RYR3: variants seen among roughly 807,000 people sequenced by gnomAD.
RYR3 encodes ryanodine receptor 3.
RYR3 carries 207 observed loss-of-function variants against 584.3 expected under a neutral mutation model. The ratio of observed to expected loss-of-function variants is 0.35; its 90% CI spans 0.32 to 0.40. RYR3 has a LOEUF of 0.40. RYR3 is among the 10% of genes least tolerant of loss of function. The pLI is 1.00. For missense variants in RYR3, 5,616 were observed against 6,089.2 expected, an observed-to-expected ratio of 0.92 and a Z score of 2.59; for synonymous variants, 2,416 against 2,248.5, an observed-to-expected ratio of 1.07 and a Z score of -2.11.
chr15:33,744,887 G>C (rs2070527239), intron 52 of RYR3, among the ~76,000 whole-genome samples: 1 of 152,194 alleles, frequency 6.6e-6, no homozygotes. Context: ...GCAGCTTGCT[G>C]TTGGAAACAT....
chr15:33,654,786 T>G (rs2062726773), intron 32 of RYR3, among the ~76,000 whole-genome samples: 1 of 152,222 alleles, frequency 6.6e-6, no homozygotes, highest in Non-Finnish European at 1.5e-5. Flanking sequence ...TTTACCTAAC[T>G]ATAGCAAATT....
intron 1 of RYR3, among the ~76,000 whole-genome samples, chr15:33,403,302 T>G (rs1466521104): frequency 6.6e-6 from 1 of 152,224 alleles, no homozygotes; most frequent in Non-Finnish European, 1.5e-5. Context: ...ATACCTTTAG[T>G]GAAATTAACA....
At chr15:33,821,631 G>C (rs756365405) in intron 80 of RYR3, 29 bp downstream of exon 80, 14 of 1,606,216 alleles carry the variant, frequency 8.7e-6, no homozygotes, top group South Asian at 6.6e-5. Flanking sequence ...GGCTGGGCAG[G>C]CTCCCGGGGT....
chr15:33,360,276 A>G (rs777719093), intron 1 of RYR3, among the ~76,000 whole-genome samples: 1 of 146,910 alleles, frequency 6.8e-6, no homozygotes, highest in Non-Finnish European at 1.5e-5. Context: ...GTCCCTGCCC[A>G]TCTCCCACTC....
rs566818675 is a variant in RYR3 at position 33,724,849 on chromosome 15, T to C, written c.6912+673T>C. 6.6e-5 allele frequency among the ~76,000 whole-genome samples: 10 copies of C among 152,240 alleles called. No individual in the cohort carries two copies. The East Asian group carries it at 1.9e-3, about 29-fold the overall frequency. Reference sequence around the variant, plus strand: ...TCTGAATTCCTAGGATTCCAATTCCTACTATGATAAAGGACCCTTACCCAC... The same window carrying C: ...TCTGAATTCCTAGGATTCCAATTCCCACTATGATAAAGGACCCTTACCCAC... On this transcript the variant is annotated intron_variant, in intron 45 of 103. Coordinates refer to ENST00000634891, the MANE Select transcript of RYR3 (RefSeq NM_001036.6).
At chr15:33,693,048 T>C (rs2065559864) in intron 38 of RYR3, among the ~76,000 whole-genome samples, 1 of 152,258 alleles carries the variant, frequency 6.6e-6, no homozygotes, top group African/African-American at 2.4e-5. Flanking sequence ...GTATTATATC[T>C]GCAGAGAATT....
At chr15:33,750,327 G>A (rs1047560668) in intron 57 of RYR3, 41 bp downstream of exon 57, 2 of 1,598,092 alleles carry the variant, frequency 1.3e-6, no homozygotes, top group South Asian at 2.3e-5. Flanking sequence ...ACAGGGCTGT[G>A]CCTCCCTAGA....
intron 43 of RYR3, among the ~76,000 whole-genome samples, chr15:33,708,237 G>T (rs570525970): frequency 1.3e-5 from 2 of 152,170 alleles, no homozygotes; most frequent in South Asian, 4.2e-4. Flanking sequence ...CAAATTTGTG[G>T]GTGTATGAAA....
intron 3 of RYR3, among the ~76,000 whole-genome samples, chr15:33,521,028 G>A (rs2053941798): frequency 6.6e-6 from 1 of 152,142 alleles, no homozygotes; most frequent in South Asian, 2.1e-4. Context: ...TAAAGTCTTG[G>A]AAGGCAGGAG....
At chr15:33,486,346 G>T (rs1745147950) in intron 2 of RYR3, among the ~76,000 whole-genome samples, 2 of 152,146 alleles carry the variant, frequency 1.3e-5, no homozygotes, top group South Asian at 4.1e-4. Flanking sequence ...TCTTTGGTTT[G>T]TGGAAGCATA....
At chr15:33,430,112 T>C (rs770872716) in intron 1 of RYR3, among the ~76,000 whole-genome samples, 6 of 152,358 alleles carry the variant, frequency 3.9e-5, no homozygotes, top group Non-Finnish European at 7.3e-5. Flanking sequence ...TGTTTTGAGA[T>C]AGATGACTGT....
intron 7 of RYR3, among the ~76,000 whole-genome samples, chr15:33,541,309 C>T (rs1490646515): frequency 6.6e-6 from 1 of 152,114 alleles, no homozygotes; most frequent in African/African-American, 2.4e-5. Context: ...TCCATGCAGG[C>T]GAAGCACTTA....
chr15:33,344,323 A>C (rs1972177786), intron 1 of RYR3, among the ~76,000 whole-genome samples: 1 of 152,218 alleles, frequency 6.6e-6, no homozygotes, highest in Non-Finnish European at 1.5e-5. Context: ...AGTCATGAAA[A>C]GTAATTTCTT....
chr15:33,704,147 G>A (rs2066505017), intron 42 of RYR3, among the ~76,000 whole-genome samples: 1 of 151,998 alleles, frequency 6.6e-6, no homozygotes, highest in Non-Finnish European at 1.5e-5. Context: ...GGTGGTTGGT[G>A]CCTATAGTCC....
chr15:33,344,653 G>T (rs972695628), intron 1 of RYR3, among the ~76,000 whole-genome samples: 4 of 152,100 alleles, frequency 2.6e-5, no homozygotes, highest in South Asian at 4.2e-4. Context: ...AATTTCAGAG[G>T]CTGGTTCTGG....
chr15:33,705,033 GA>G (rs1233181607), intron 42 of RYR3, among the ~76,000 whole-genome samples: 23 of 151,778 alleles, frequency 1.5e-4, no homozygotes, highest in Admixed American at 1.5e-3. Flanking sequence ...GATCATTTAG[GA>G]TTGAACAGTA....
intron 31 of RYR3, among the ~76,000 whole-genome samples, chr15:33,652,314 CT>C (rs1480397461): frequency 3.9e-5 from 6 of 152,148 alleles, no homozygotes; most frequent in Non-Finnish European, 8.8e-5. Flanking sequence ...TGAACCCAGA[CT>C]TTTTTTCTGC....
intron 1 of RYR3, among the ~76,000 whole-genome samples, chr15:33,334,832 GAAAA>G (rs879492272): frequency 6.8e-6 from 1 of 146,510 alleles, no homozygotes; most frequent in Admixed American, 6.8e-5. Flanking sequence ...AAATTGACAA[GAAAA>G]AAAAAAAACC....
At chr15:33,452,430 C>A (rs1167240765) in intron 1 of RYR3, among the ~76,000 whole-genome samples, 23 of 152,148 alleles carry the variant, frequency 1.5e-4, no homozygotes, top group Non-Finnish European at 1.5e-5. Flanking sequence ...TCTTCTAAAT[C>A]TTGGCTGCAA....
Sources: gnomAD v4.1 joint callset for allele counts (sites outside exome capture counted in the v4.1 genomes callset) on GRCh38, gnomAD v4.1.1 for gene constraint, MANE v1.5 for transcripts, NCBI Gene and HGNC (gene_info 2026-07-23, HGNC 2026-07-21) for gene names.